MACROD1: variants seen among roughly 807,000 people sequenced by gnomAD.
The protein encoded by MACROD1 is ADP-ribose glycohydrolase MACROD1.
In MACROD1, 31 loss-of-function variants were observed where a neutral mutation model predicts 41.4. That is an observed-to-expected ratio of 0.75 (90% CI 0.56 to 1.01). The LOEUF is 1.01. MACROD1 is among the 50% of genes least tolerant of loss of function. MACROD1 has a pLI of 0.00. For missense variants in MACROD1, 473 were observed against 460.0 expected (o/e 1.03, Z -0.26); for synonymous variants, 252 against 203.4 (o/e 1.24, Z -2.03).
At position 64,155,653 on chromosome 11, in the gene MACROD1, C is replaced by CT. The variant is rs555477638; in HGVS notation, c.299-3261dup. Reference sequence around the variant, plus strand: ...GCAAACAGGACAAAATTGTGGAGAACTTTTTTTTCCAACTTGGGGACACAG... The same window carrying CT: ...GCAAACAGGACAAAATTGTGGAGAACTTTTTTTTTCCAACTTGGGGACACAG... On this transcript the variant is annotated intron_variant, in intron 1 of 10. Coordinates refer to ENST00000255681, the MANE Select transcript of MACROD1 (RefSeq NM_014067.4). Among the ~76,000 whole-genome samples, 328 of 152,232 alleles carry CT rather than the reference C, an allele frequency of 2.2e-3. 3 individuals carry two copies. The highest frequency in any genetic ancestry group is 7.5e-3 in the African/African-American group (310 of 41,532).
At chr11:64,023,463 G>C (rs1426134429) in intron 3 of MACROD1, among the ~76,000 whole-genome samples, 1 of 152,146 alleles carries the variant, frequency 6.6e-6, no homozygotes, top group Admixed American at 6.5e-5. Context: ...GCCTCACAGG[G>C]CTTCACTGTG....
Position 63,998,860 on chromosome 11 carries a change from C to T in MACROD1, c.*8G>A, listed in dbSNP as rs775183335. 6 of 1,590,482 alleles carry T rather than the reference C, an allele frequency of 3.8e-6. No homozygotes were observed. Among genetic ancestry groups the T allele is most frequent in the Non-Finnish European group, 4.3e-6 (5 of 1,170,378 alleles). ...TACCAGTCCCGGTCAGGGTGGGCTG[C>T]GGGAGCCTCAGGCTGGAAGGCAGAG... On this transcript the variant is annotated 3_prime_UTR_variant, in exon 10 of 11. Transcript: ENST00000255681.
intron 3 of MACROD1, among the ~76,000 whole-genome samples, chr11:64,132,205 C>A (rs1203810284): frequency 3.3e-5 from 5 of 152,044 alleles, no homozygotes; most frequent in Non-Finnish European, 7.4e-5. Context: ...GCTCTCGAGC[C>A]CTTTCTCAGT....
At chr11:64,152,846 C>T (rs1309655518) in intron 1 of MACROD1, among the ~76,000 whole-genome samples, 1 of 152,220 alleles carries the variant, frequency 6.6e-6, no homozygotes, top group Non-Finnish European at 1.5e-5. Flanking sequence ...CAGTTCTGCC[C>T]TCACTGTCAC....
chr11:64,088,271 G>A (rs548761145), intron 3 of MACROD1, among the ~76,000 whole-genome samples: 3 of 152,308 alleles, frequency 2.0e-5, no homozygotes, highest in Non-Finnish European at 4.4e-5. Flanking sequence ...CAGGGGAGCC[G>A]TAGCCAGGAG....
intron 3 of MACROD1, among the ~76,000 whole-genome samples, chr11:64,043,573 T>A (rs771968460): frequency 2.0e-5 from 3 of 152,188 alleles, no homozygotes; most frequent in Non-Finnish European, 2.9e-5. Context: ...GGGCAAGAGG[T>A]CAAATCGTGG....
intron 3 of MACROD1, among the ~76,000 whole-genome samples, chr11:64,042,506 G>A (rs370289422): frequency 2.0e-5 from 3 of 152,170 alleles, no homozygotes; most frequent in South Asian, 2.1e-4. Context: ...GCCCTGCAGC[G>A]TAACCTTTGA....
chr11:64,117,275 C>T lies in MACROD1; in HGVS notation c.517+33964G>A, dbSNP rs35247680. 0.038 allele frequency: 60,826 copies of T among 1,614,158 alleles called. 1,410 individuals carry two copies. The highest frequency in any genetic ancestry group is 0.074 in the Middle Eastern group (448 of 6,060). ...ACCCTTGGTTTTGTGGCTGCAACCT[C>T]ATGTGGCTGCGGGACTGGGTGAAGG... On this transcript the variant is annotated intron_variant, in intron 3 of 10. Coordinates refer to ENST00000255681, the MANE Select transcript of MACROD1 (RefSeq NM_014067.4).
At chr11:64,108,642 G>T (rs960232019) in intron 3 of MACROD1, among the ~76,000 whole-genome samples, 12 of 152,244 alleles carry the variant, frequency 7.9e-5, no homozygotes, top group African/African-American at 2.7e-4. Flanking sequence ...TGGGAGGTGG[G>T]ACTGGGGTCC....
rs372560428 is a variant in MACROD1 at position 64,118,220 on chromosome 11, C to T, written c.517+33019G>A. On this transcript the variant is annotated intron_variant, in intron 3 of 10. Coordinates refer to ENST00000255681, the MANE Select transcript of MACROD1 (RefSeq NM_014067.4). Reference sequence around the variant, plus strand: ...GCAGCAGCCTCTGCAAGGCCACACACACCATTGGCTACGGCACCACGCGGG... The same window carrying T: ...GCAGCAGCCTCTGCAAGGCCACACATACCATTGGCTACGGCACCACGCGGG... 5 of 1,612,898 alleles carry T rather than the reference C, an allele frequency of 3.1e-6. No individual in the cohort carries two copies. The African/African-American group carries it at 6.7e-5, about 22-fold the overall frequency.
At chr11:64,003,780 T>G (rs774140254) in intron 4 of MACROD1, among the ~76,000 whole-genome samples, 3 of 152,230 alleles carry the variant, frequency 2.0e-5, no homozygotes, top group African/African-American at 7.2e-5. Flanking sequence ...TGAACCACTC[T>G]GGCTGACTGG....
At position 64,063,528 on chromosome 11, in the gene MACROD1, C is replaced by G. The variant is rs546494718; in HGVS notation, c.518-48247G>C. ...TCCTGGCAAAGTCCCAGGTGCCCCC[C>G]AAAAGTCTCCGTTACTGCCCAGCAG... On this transcript the variant is annotated intron_variant, in intron 3 of 10. Coordinates refer to ENST00000255681, the MANE Select transcript of MACROD1 (RefSeq NM_014067.4). 7.2e-4 allele frequency among the ~76,000 whole-genome samples: 109 copies of G among 152,292 alleles called. 1 individual carries two copies. The highest frequency in any genetic ancestry group is 2.5e-3 in the African/African-American group (105 of 41,564).
chr11:64,117,077 C>A (rs1166864086), intron 3 of MACROD1: 1 of 1,602,722 alleles, frequency 6.2e-7, no homozygotes, highest in Non-Finnish European at 8.5e-7. Context: ...TGCCCAGCGC[C>A]CACCTGCAGA....
chr11:64,021,645 C>T lies in MACROD1; in HGVS notation c.518-6364G>A, dbSNP rs372035404. Reference sequence around the variant, plus strand: ...CCTCAGCTGCCTGGAGGGGCCCCAGCCAGGAGTTGGGGGGGTGGGGGCTGC... The same window carrying T: ...CCTCAGCTGCCTGGAGGGGCCCCAGTCAGGAGTTGGGGGGGTGGGGGCTGC... On this transcript the variant is annotated intron_variant, in intron 3 of 10. Transcript: ENST00000255681. Among the ~76,000 whole-genome samples the T allele has an allele frequency of 5.0e-4, 76 of 152,136 alleles. No individual in the cohort carries two copies. In the East Asian group the frequency reaches 0.011, roughly 22 times the overall value.
At chr11:64,025,288 G>C (rs1222775596) in intron 3 of MACROD1, among the ~76,000 whole-genome samples, 2 of 152,210 alleles carry the variant, frequency 1.3e-5, no homozygotes, top group Non-Finnish European at 2.9e-5. Flanking sequence ...CAAAGCAGGA[G>C]TTTGCACGAG....
At position 64,082,267 on chromosome 11, in the gene MACROD1, G is replaced by C. The variant is rs867149219; in HGVS notation, c.518-66986C>G. Among the ~76,000 whole-genome samples the C allele has an allele frequency of 1.8e-4, 28 of 152,244 alleles. No individual in the cohort carries two copies. Among genetic ancestry groups the C allele is most frequent in the African/African-American group, 5.1e-4 (21 of 41,520 alleles). Reference sequence around the variant, plus strand: ...CTTAGCAGAGGATGGCTGAGCCTGGGGGGTGGAGAAAATCTTGCCTCCTGC... The same window carrying C: ...CTTAGCAGAGGATGGCTGAGCCTGGCGGGTGGAGAAAATCTTGCCTCCTGC... On this transcript the variant is annotated intron_variant, in intron 3 of 10. Transcript: ENST00000255681. This position sits in a 1 kb window ranked among gnomAD's most constrained non-coding sequence, Gnocchi z 4.5.
At chr11:64,149,314 C>A (rs1012000275) in intron 3 of MACROD1, among the ~76,000 whole-genome samples, 11 of 152,158 alleles carry the variant, frequency 7.2e-5, no homozygotes, top group African/African-American at 2.4e-4. Context: ...CTTCACCACC[C>A]TCATTTTGCA....
At chr11:64,010,422 G>T (rs1299769810) in intron 4 of MACROD1, among the ~76,000 whole-genome samples, 1 of 136,140 alleles carries the variant, frequency 7.3e-6, no homozygotes, top group African/African-American at 2.8e-5. Context: ...TGTTGGTTGA[G>T]ATGTTGGCTG....
chr11:64,100,886 G>A (rs1318828572), intron 3 of MACROD1, among the ~76,000 whole-genome samples: 2 of 152,172 alleles, frequency 1.3e-5, no homozygotes, highest in Non-Finnish European at 2.9e-5. Flanking sequence ...CAGGGAAGGT[G>A]GACTGAGGAC....
Sources: allele counts gnomAD v4.1 joint callset (sites outside exome capture counted in the v4.1 genomes callset), GRCh38; gene constraint gnomAD v4.1.1; non-coding constraint Gnocchi (gnomAD v3.1); transcripts MANE v1.5; gene names NCBI Gene and HGNC (gene_info 2026-07-23, HGNC 2026-07-21).